PI4K2B: variants seen among roughly 807,000 people sequenced by gnomAD.
The protein encoded by PI4K2B is phosphatidylinositol 4-kinase type 2-beta.
Under a neutral mutation model 56.6 loss-of-function variants are expected in PI4K2B, and 46 were observed. That is an observed-to-expected ratio of 0.81 (90% CI 0.64 to 1.04). The LOEUF (loss-of-function observed/expected upper bound fraction) is 1.04. PI4K2B is among the 50% of genes least tolerant of loss of function. The pLI, the probability that PI4K2B is intolerant of heterozygous loss-of-function variation, is 0.00. For synonymous variants in PI4K2B, 211 were observed against 223.8 expected, an observed-to-expected ratio of 0.94 and a Z score of 0.51; for missense variants, 556 against 607.7, an observed-to-expected ratio of 0.91 and a Z score of 0.89.
At chr4:25,260,619 TATATATATATATATATATATATAC>T (rs1426639956) in intron 6 of PI4K2B, 28 bp downstream of exon 6, 1 of 262,956 alleles carries the variant, frequency 3.8e-6, no homozygotes, top group East Asian at 7.9e-5. Context: ...TTTATATATA[TATATATATATATATATATATATAC>T]ACACACACAC....
intron 1 of PI4K2B, among the ~76,000 whole-genome samples, chr4:25,246,380 C>A (rs1464423666): frequency 2.0e-5 from 3 of 152,162 alleles, no homozygotes; most frequent in Non-Finnish European, 4.4e-5. Context: ...CGTTTACAAT[C>A]CCTGAGCTAG....
intron 5 of PI4K2B, 41 bp from the exon 6 acceptor site, chr4:25,260,483 C>A: frequency 2.4e-6 from 2 of 834,236 alleles, no homozygotes; most frequent in Non-Finnish European, 1.9e-6. Flanking sequence ...CCATGATGTC[C>A]ATAGAAATGA....
At chr4:25,273,824 G>A (rs1185488323) in intron 9 of PI4K2B, among the ~76,000 whole-genome samples, 2 of 152,142 alleles carry the variant, frequency 1.3e-5, no homozygotes, top group African/African-American at 4.8e-5. Context: ...TCAAGTCCAG[G>A]CTTTCAGCAC....
At chr4:25,250,166 G>A (rs1482977158) in intron 1 of PI4K2B, among the ~76,000 whole-genome samples, 1 of 152,212 alleles carries the variant, frequency 6.6e-6, no homozygotes, top group African/African-American at 2.4e-5. Flanking sequence ...CGAGATGGCG[G>A]CAGTACAGTC....
At chr4:25,244,745 G>A (rs1715686425) in intron 1 of PI4K2B, among the ~76,000 whole-genome samples, 1 of 152,084 alleles carries the variant, frequency 6.6e-6, no homozygotes, top group South Asian at 2.1e-4. Flanking sequence ...AACGGTCCCT[G>A]GACCCTGCTG....
intron 1 of PI4K2B, among the ~76,000 whole-genome samples, chr4:25,238,728 C>T (rs537706352): frequency 9.9e-5 from 15 of 152,164 alleles, no homozygotes; most frequent in East Asian, 5.8e-4. Context: ...CAGACCTTTG[C>T]GGTGAGTGTT....
At chr4:25,272,303 TATG>T (rs1261230992) in intron 9 of PI4K2B, among the ~76,000 whole-genome samples, 4 of 152,210 alleles carry the variant, frequency 2.6e-5, no homozygotes, top group Non-Finnish European at 5.9e-5. Context: ...TATAATAAAA[TATG>T]AAGATGACAG....
intron 1 of PI4K2B, among the ~76,000 whole-genome samples, chr4:25,239,173 G>A (rs970847278): frequency 6.6e-6 from 1 of 152,212 alleles, no homozygotes; most frequent in Non-Finnish European, 1.5e-5. Context: ...AGTCCAGCTG[G>A]CTTCACCCAG....
chr4:25,263,982 G>A, intron 7 of PI4K2B, 133 bp downstream of exon 7: 1 of 507,122 alleles, frequency 2.0e-6, no homozygotes. Context: ...TCAGTTTTAG[G>A]CATTAGGGAT....
intron 9 of PI4K2B, among the ~76,000 whole-genome samples, chr4:25,269,955 A>T (rs13107284): frequency 0.45 from 68,173 of 151,832 alleles, 17,812 homozygotes; most frequent in Non-Finnish European, 0.58. Context: ...TGACCTCGTG[A>T]TCTGCCCGCC....
chr4:25,239,362 G>A (rs1053663445), intron 1 of PI4K2B, among the ~76,000 whole-genome samples: 8 of 152,184 alleles, frequency 5.3e-5, no homozygotes, highest in Non-Finnish European at 7.4e-5. Flanking sequence ...AGGCATGGCC[G>A]GCTGTAGGTC....
At chr4:25,240,624 G>A (rs1260923862) in intron 1 of PI4K2B, among the ~76,000 whole-genome samples, 1 of 152,172 alleles carries the variant, frequency 6.6e-6, no homozygotes, top group Non-Finnish European at 1.5e-5. Flanking sequence ...TAGTGGGGAG[G>A]CAGATATTGG....
At chr4:25,275,051 G>A (rs765639380) in intron 9 of PI4K2B, among the ~76,000 whole-genome samples, 1 of 152,084 alleles carries the variant, frequency 6.6e-6, no homozygotes, top group Admixed American at 6.5e-5. Flanking sequence ...TGATCCACCC[G>A]CCTTGGCCTC....
chr4:25,252,555 T>A, intron 2 of PI4K2B, 80 bp downstream of exon 2: 1 of 968,776 alleles, frequency 1.0e-6, no homozygotes, highest in Non-Finnish European at 1.6e-6. Context: ...TGTGAGTTTC[T>A]AAAGATATTT....
rs559416620 is a variant in PI4K2B at position 25,240,516 on chromosome 4, A to G, written c.268+6085A>G. ...GTATTAATTGTATGGCTCTGCACTA[A>G]TGGAGTTGAGCTTTGAGGGGTACTG... On this transcript the variant is annotated intron_variant, in intron 1 of 9. Transcript: ENST00000264864. 1.8e-4 allele frequency among the ~76,000 whole-genome samples: 28 copies of G among 152,250 alleles called. 1 individual carries two copies. The highest frequency in any genetic ancestry group is 3.4e-3 in the Middle Eastern group (1 of 294).
At chr4:25,262,477 C>T (rs530659903) in intron 6 of PI4K2B, among the ~76,000 whole-genome samples, 2 of 152,306 alleles carry the variant, frequency 1.3e-5, no homozygotes, top group African/African-American at 2.4e-5. Context: ...AGGTGTAAGA[C>T]ATTTGATATA....
At chr4:25,249,518 GGA>G (rs1560370571) in intron 1 of PI4K2B, among the ~76,000 whole-genome samples, 36 of 143,632 alleles carry the variant, frequency 2.5e-4, no homozygotes, top group African/African-American at 8.6e-4. Flanking sequence ...GCTGCCGGGC[GGA>G]GGGGCTCCTC....
At chr4:25,260,789 T>C (rs1488856839) in intron 6 of PI4K2B, among the ~76,000 whole-genome samples, 198 bp downstream of exon 6, 1 of 150,638 alleles carries the variant, frequency 6.6e-6, no homozygotes, top group Non-Finnish European at 1.5e-5. Flanking sequence ...ACTTAATCCT[T>C]GGTTTTTAAA....
At chr4:25,270,860 T>A (rs1716861786) in intron 9 of PI4K2B, among the ~76,000 whole-genome samples, 1 of 152,254 alleles carries the variant, frequency 6.6e-6, no homozygotes, top group Non-Finnish European at 1.5e-5. Context: ...TAACATTCTC[T>A]TCCTAAAATA....
Sources: allele counts gnomAD v4.1 joint callset (sites outside exome capture counted in the v4.1 genomes callset), GRCh38; gene constraint gnomAD v4.1.1; transcripts MANE v1.5; gene names NCBI Gene and HGNC (gene_info 2026-07-23, HGNC 2026-07-21).